The following PCDHA1 variants were observed in gnomAD, a reference collection of about 807,000 sequenced individuals.
PCDHA1 encodes protocadherin alpha 1.
Under a neutral mutation model 61.3 loss-of-function variants are expected in PCDHA1, and 42 were observed. The observed-to-expected ratio is 0.69, with a 90% CI of 0.54 to 0.89. PCDHA1 has a LOEUF of 0.89. PCDHA1 is among the 40% of genes least tolerant of loss of function. PCDHA1 has a pLI of 0.00. For missense variants in PCDHA1, 1,256 were observed against 1,235.3 expected (o/e 1.02, Z -0.25); for synonymous variants, 610 against 553.8 (o/e 1.10, Z -1.43).
chr5:140,851,081 A>G, intron 1 of PCDHA1: 1 of 1,303,802 alleles, frequency 7.7e-7, no homozygotes, highest in Non-Finnish European at 1.0e-6. Flanking sequence ...TATAAACTGT[A>G]TATTAAATAG....
intron 1 of PCDHA1, among the ~76,000 whole-genome samples, chr5:140,905,814 G>T (rs1303983123): frequency 6.6e-6 from 1 of 152,090 alleles, no homozygotes; most frequent in Non-Finnish European, 1.5e-5. Flanking sequence ...GAATTAATAG[G>T]CTAGATGTGT....
At chr5:140,829,657 G>C in intron 1 of PCDHA1, 1 of 1,612,592 alleles carries the variant, frequency 6.2e-7, no homozygotes, top group African/African-American at 1.3e-5. Flanking sequence ...CGCTGCAGCC[G>C]CTGGACCACG....
At chr5:140,967,989 T>G (rs781892084) in intron 1 of PCDHA1, 2 of 1,614,228 alleles carry the variant, frequency 1.2e-6, no homozygotes, top group Non-Finnish European at 1.7e-6. Flanking sequence ...GAGGCCACAC[T>G]GCCTTTCCGA....
intron 1 of PCDHA1, chr5:140,848,888 A>C: frequency 6.4e-7 from 1 of 1,564,652 alleles, no homozygotes; most frequent in South Asian, 1.1e-5. Flanking sequence ...ACAACCCTCC[A>C]GTGTTCCCAG....
intron 1 of PCDHA1, chr5:140,834,565 C>G (rs2150221167): frequency 2.5e-6 from 4 of 1,613,968 alleles, no homozygotes; most frequent in Admixed American, 3.3e-5. Context: ...GAGCTGGTGC[C>G]GCGCCTGTTC....
intron 1 of PCDHA1, among the ~76,000 whole-genome samples, chr5:140,942,239 T>C (rs1554214876): frequency 6.6e-6 from 1 of 152,156 alleles, no homozygotes; most frequent in African/African-American, 2.4e-5. Context: ...AAATAAGATA[T>C]CCATATCATT....
Position 141,010,040 on chromosome 5 carries a change from C to G in PCDHA1, c.*103C>G. On this transcript the variant is annotated 3_prime_UTR_variant, in exon 4 of 4. Transcript: ENST00000504120. Reference sequence around the variant, plus strand: ...CCTTTTTCCTATCTACATGAGCCCTCTTAGAGACCTCAGAAATCTGCAGAA... The same window carrying G: ...CCTTTTTCCTATCTACATGAGCCCTGTTAGAGACCTCAGAAATCTGCAGAA... 5.6e-6 allele frequency: 9 copies of G among 1,593,642 alleles called. No individual in the cohort carries two copies. The highest frequency in any genetic ancestry group is 7.7e-6 in the Non-Finnish European group (9 of 1,170,750).
At chr5:140,809,620 A>ACG in intron 1 of PCDHA1, 1 of 1,511,684 alleles carries the variant, frequency 6.6e-7, no homozygotes, top group Non-Finnish European at 8.9e-7. Context: ...GTTTTTCTCT[A>ACG]TCAACTTCTT....
intron 1 of PCDHA1, chr5:140,967,890 C>G: frequency 6.2e-7 from 1 of 1,614,176 alleles, no homozygotes; most frequent in Non-Finnish European, 8.5e-7. Context: ...AGCCCAGTGC[C>G]TGAGAATGCT....
At position 140,856,186 on chromosome 5, in the gene PCDHA1, C is replaced by G. The variant is rs1451778566; in HGVS notation, c.2394+67502C>G. 97 of 1,598,138 alleles carry G rather than the reference C, an allele frequency of 6.1e-5. 9 individuals carry two copies. The highest frequency in any genetic ancestry group is 8.0e-5 in the Non-Finnish European group (94 of 1,167,930). Reference sequence around the variant, plus strand: ...CCAGACACGGCACCTTCGTGGGCCGCATCGCGCAGGACCTGGGGCTGGAGC... The same window carrying G: ...CCAGACACGGCACCTTCGTGGGCCGGATCGCGCAGGACCTGGGGCTGGAGC... On this transcript the variant is annotated intron_variant, in intron 1 of 3. Transcript: ENST00000504120.
intron 1 of PCDHA1, chr5:140,863,233 C>A (rs2047882202): frequency 1.6e-6 from 2 of 1,240,300 alleles, no homozygotes; most frequent in South Asian, 1.2e-5. Flanking sequence ...GGTCCCATCG[C>A]GGGCTTTGGC....
intron 1 of PCDHA1, among the ~76,000 whole-genome samples, chr5:140,958,652 G>C (rs991773774): frequency 6.6e-6 from 1 of 152,030 alleles, no homozygotes; most frequent in East Asian, 1.9e-4. Context: ...ATCACAGAAA[G>C]CTATGATGAA....
intron 1 of PCDHA1, chr5:140,830,007 A>T: frequency 6.2e-7 from 1 of 1,613,948 alleles, no homozygotes; most frequent in Non-Finnish European, 8.5e-7. Context: ...GTCCTGGACG[A>T]AGCGGACTCT....
intron 1 of PCDHA1, among the ~76,000 whole-genome samples, chr5:140,918,569 G>T (rs374823656): frequency 3.9e-5 from 6 of 152,136 alleles, no homozygotes; most frequent in African/African-American, 1.4e-4. Context: ...TGTATATTAT[G>T]CTGCTATTGG....
chr5:140,836,436 G>A (rs1195331479), intron 1 of PCDHA1: 3 of 1,613,702 alleles, frequency 1.9e-6, no homozygotes, highest in Non-Finnish European at 2.5e-6. Context: ...GGCATCGTTG[G>A]GCATTGCAGG....
intron 1 of PCDHA1, among the ~76,000 whole-genome samples, chr5:140,806,451 G>A (rs1554123606): frequency 6.6e-6 from 1 of 152,184 alleles, no homozygotes; most frequent in East Asian, 1.9e-4. Flanking sequence ...CAAGCTATTT[G>A]CTATAACTTC....
chr5:140,846,829 T>C (rs1554141506), intron 1 of PCDHA1, among the ~76,000 whole-genome samples: 1 of 149,526 alleles, frequency 6.7e-6, no homozygotes, highest in African/African-American at 2.5e-5. Flanking sequence ...AAATAAAGAA[T>C]ATGAGTCACA....
Position 140,869,089 on chromosome 5 carries a change from C to A in PCDHA1, c.2394+80405C>A, listed in dbSNP as rs141432478. On this transcript the variant is annotated intron_variant, in intron 1 of 3. Coordinates refer to ENST00000504120, the MANE Select transcript of PCDHA1 (RefSeq NM_018900.4). Reference sequence around the variant, plus strand: ...AGTGTAAAGAAGCTTATTTTGGAAGCCAATTTCGTATGCGATGTTTGGTTT... The same window carrying A: ...AGTGTAAAGAAGCTTATTTTGGAAGACAATTTCGTATGCGATGTTTGGTTT... 9.7e-5 allele frequency: 154 copies of A among 1,588,996 alleles called. No individual in the cohort carries two copies. The East Asian group carries it at 3.4e-3, about 35-fold the overall frequency.
chr5:140,926,929 G>T, intron 1 of PCDHA1: 2 of 1,575,722 alleles, frequency 1.3e-6, no homozygotes, highest in South Asian at 2.3e-5. Flanking sequence ...ATGTTTGTGG[G>T]TTTCCTGCGG....
Sources: allele counts gnomAD v4.1 joint callset (sites outside exome capture counted in the v4.1 genomes callset), GRCh38; gene constraint gnomAD v4.1.1; transcripts MANE v1.5; gene names NCBI Gene and HGNC (gene_info 2026-07-23, HGNC 2026-07-21).